Variants in MRPS28 observed in about 807,000 individuals in gnomAD.
MRPS28 encodes mitochondrial ribosomal protein S28.
In MRPS28, 7 loss-of-function variants were observed where a neutral mutation model predicts 10.8. The observed-to-expected ratio is 0.65, with a 90% CI of 0.37 to 1.22. MRPS28 has a LOEUF of 1.22. Among genes scored for constraint, MRPS28 ranks in the 50% most tolerant of loss-of-function variants. The probability of loss-of-function intolerance (pLI) is 0.02; values close to 1 mark genes in which losing one functional copy is unlikely to be tolerated. For missense variants in MRPS28, 265 were observed against 232.9 expected, an observed-to-expected ratio of 1.14 and a Z score of -0.90; for synonymous variants, 121 against 93.3, an observed-to-expected ratio of 1.30 and a Z score of -1.71.
chr8:79,996,717 ACCT>A (rs1416287603), intron 2 of MRPS28, among the ~76,000 whole-genome samples: 1 of 152,192 alleles, frequency 6.6e-6, no homozygotes, highest in East Asian at 1.9e-4. Context: ...ATAACAGACT[ACCT>A]ATGATTTTTT....
chr8:79,981,554 A>G (rs1807954023), intron 2 of MRPS28, among the ~76,000 whole-genome samples: 2 of 152,244 alleles, frequency 1.3e-5, no homozygotes, highest in African/African-American at 2.4e-5. Context: ...GTAAATAAAA[A>G]AAGTAAAATA....
At chr8:80,002,300 A>C (rs1020763787) in intron 2 of MRPS28, among the ~76,000 whole-genome samples, 3 of 152,236 alleles carry the variant, frequency 2.0e-5, no homozygotes, top group Non-Finnish European at 4.4e-5. Context: ...ATATGATTAA[A>C]AAAAAACACT....
At chr8:79,939,977 TAAAA>T (rs11443456) in intron 2 of MRPS28, among the ~76,000 whole-genome samples, 18 of 140,690 alleles carry the variant, frequency 1.3e-4, no homozygotes, top group Non-Finnish European at 2.3e-4. Context: ...CCGTCTCAAA[TAAAA>T]AAAAAAAAAA....
chr8:79,935,221 C>A (rs1283086047), intron 2 of MRPS28, among the ~76,000 whole-genome samples: 2 of 152,242 alleles, frequency 1.3e-5, no homozygotes, highest in Non-Finnish European at 2.9e-5. Flanking sequence ...TTGTCCCCAA[C>A]AAAGAAGCCT....
chr8:79,959,566 T>G (rs910544184), intron 2 of MRPS28, among the ~76,000 whole-genome samples: 1 of 152,106 alleles, frequency 6.6e-6, no homozygotes. Flanking sequence ...CAAAATGGTT[T>G]CCCTTATCTG....
At chr8:79,982,600 C>T (rs1807995997) in intron 2 of MRPS28, among the ~76,000 whole-genome samples, 1 of 152,178 alleles carries the variant, frequency 6.6e-6, no homozygotes, top group Non-Finnish European at 1.5e-5. Flanking sequence ...AAACGGCGCA[C>T]CAGGAGATTA....
chr8:79,962,087 C>G (rs1912147), intron 2 of MRPS28, among the ~76,000 whole-genome samples: 115,800 of 152,000 alleles, frequency 0.76, 44,585 homozygotes, highest in African/African-American at 0.87. Flanking sequence ...ATCTTATTTT[C>G]TGTATTAAAT....
At chr8:79,951,928 C>T (rs1807089105) in intron 2 of MRPS28, among the ~76,000 whole-genome samples, 1 of 152,166 alleles carries the variant, frequency 6.6e-6, no homozygotes, top group Non-Finnish European at 1.5e-5. Context: ...ACTGTCTTAC[C>T]TCTGGGTTCT....
At chr8:79,940,238 T>C (rs1322969926) in intron 2 of MRPS28, among the ~76,000 whole-genome samples, 4 of 152,196 alleles carry the variant, frequency 2.6e-5, no homozygotes, top group Non-Finnish European at 5.9e-5. Flanking sequence ...AACTCCATAT[T>C]ATTTTCAGGT....
At chr8:80,029,670 A>G in intron 1 of MRPS28, 1 of 1,253,814 alleles carries the variant, frequency 8.0e-7, no homozygotes, top group African/African-American at 1.5e-5. Context: ...AAGACCCAGC[A>G]GAGCCCTGCC....
chr8:79,942,337 A>T (rs1314020904), intron 2 of MRPS28, among the ~76,000 whole-genome samples: 3 of 152,196 alleles, frequency 2.0e-5, no homozygotes, highest in Non-Finnish European at 4.4e-5. Flanking sequence ...ATTTCAAGAG[A>T]TTCAAAAATT....
At chr8:79,934,868 T>TA (rs1427904828) in intron 2 of MRPS28, among the ~76,000 whole-genome samples, 14 of 152,016 alleles carry the variant, frequency 9.2e-5, no homozygotes, top group Non-Finnish European at 1.8e-4. Flanking sequence ...TAGCAATTAT[T>TA]AAAAAAAATG....
At chr8:79,948,421 A>G (rs1023919094) in intron 2 of MRPS28, among the ~76,000 whole-genome samples, 2 of 152,222 alleles carry the variant, frequency 1.3e-5, no homozygotes, top group African/African-American at 4.8e-5. Flanking sequence ...GCAAATAAAG[A>G]CTGTTCCACT....
intron 2 of MRPS28, among the ~76,000 whole-genome samples, chr8:79,969,613 G>A (rs2130033434): frequency 6.6e-6 from 1 of 152,082 alleles, no homozygotes; most frequent in Non-Finnish European, 1.5e-5. Context: ...GAAAAACCTG[G>A]TCATCTGTAA....
At chr8:79,925,231 A>G (rs954270840) in intron 2 of MRPS28, among the ~76,000 whole-genome samples, 3 of 149,950 alleles carry the variant, frequency 2.0e-5, no homozygotes, top group African/African-American at 7.6e-5. Context: ...GTTATTCCCA[A>G]AAGTCCTTTG....
At chr8:79,984,464 A>C (rs531614348) in intron 2 of MRPS28, among the ~76,000 whole-genome samples, 1 of 152,260 alleles carries the variant, frequency 6.6e-6, no homozygotes, top group African/African-American at 2.4e-5. Context: ...GCTCCAATTA[A>C]AAGACACAGA....
chr8:79,980,414 A>G (rs1447023420), intron 2 of MRPS28, among the ~76,000 whole-genome samples: 4 of 152,250 alleles, frequency 2.6e-5, no homozygotes. Context: ...TTATGACAAC[A>G]TAGCCAACTA....
At chr8:80,013,203 T>C (rs1290523282) in intron 1 of MRPS28, among the ~76,000 whole-genome samples, 2 of 152,172 alleles carry the variant, frequency 1.3e-5, no homozygotes, top group Admixed American at 6.5e-5. Context: ...AATTAAAGGA[T>C]TGGATAACTA....
chr8:79,936,311 A>C lies in MRPS28; in HGVS notation c.396-17163T>G, dbSNP rs553236278. Among the ~76,000 whole-genome samples, 134 of 152,256 alleles carry C rather than the reference A, an allele frequency of 8.8e-4. 1 individual carries two copies. The highest frequency in any genetic ancestry group is 7.2e-3 in the South Asian group (35 of 4,832). ...GCCACTGTACTCCAGCCTGGGTGAC[A>C]GAGCAAGATCTTGTCTCAAAAAAAT... On this transcript the variant is annotated intron_variant, in intron 2 of 2. Coordinates refer to ENST00000276585, the MANE Select transcript of MRPS28 (RefSeq NM_014018.3).
Sources: allele counts gnomAD v4.1 joint callset (sites outside exome capture counted in the v4.1 genomes callset), GRCh38; gene constraint gnomAD v4.1.1; transcripts MANE v1.5; gene names NCBI Gene and HGNC (gene_info 2026-07-23, HGNC 2026-07-21).